The following PRMT1 variants were observed in gnomAD, a reference collection of about 807,000 sequenced individuals.
PRMT1 encodes protein arginine N-methyltransferase 1.
PRMT1 carries 5 observed loss-of-function variants against 47.4 expected under a neutral mutation model. The observed-to-expected ratio is 0.11, with a 90% confidence interval of 0.06 to 0.22. PRMT1 has a LOEUF of 0.22. PRMT1 is among the 10% of genes least tolerant of loss of function. The pLI, the probability that PRMT1 is intolerant of heterozygous loss-of-function variation, is 1.00. For missense variants in PRMT1, 249 were observed against 518.4 expected (o/e 0.48, Z 5.05); for synonymous variants, 227 against 204.6 (o/e 1.11, Z -0.94).
At position 49,680,133 on chromosome 19, in the gene PRMT1, C is replaced by A; in HGVS notation, c.90+208C>A. ...ATCGCCGCTACTTCCTTAACTCCAC[C>A]TCCAACCCCCCTTTGCCCTTCCCTG... On this transcript the variant is annotated intron_variant, in intron 2 of 10. Transcript: ENST00000454376. This position sits in a 1 kb window ranked among gnomAD's most constrained non-coding sequence, Gnocchi z 4.2. 1 of 1,300,310 alleles carries A rather than the reference C, an allele frequency of 7.7e-7. No individual in the cohort carries two copies. Among genetic ancestry groups the A allele is most frequent in the Non-Finnish European group, 1.1e-6 (1 of 917,568 alleles). The allele number at this position is 1,300,310 out of a possible 1,614,324, so 80.5% of individuals were successfully genotyped here.
intron 1 of PRMT1, 64 bp from the exon 2 acceptor site, chr19:49,679,808 G>T: frequency 1.5e-6 from 2 of 1,345,390 alleles, no homozygotes; most frequent in Admixed American, 1.9e-5. Flanking sequence ...CCCAGGTTCC[G>T]CCACCCAGCC....
chr19:49,683,734 C>A, intron 5 of PRMT1, 193 bp from the exon 6 acceptor site: 2 of 557,134 alleles, frequency 3.6e-6, no homozygotes, highest in Non-Finnish European at 6.3e-6. Context: ...ACCCAGTCCA[C>A]ATAAAATTTC....
chr19:49,684,918 C>T lies in PRMT1; in HGVS notation c.644-4C>T. On this transcript the variant is annotated splice_polypyrimidine_tract_variant and splice_region_variant and intron_variant, in intron 7 of 10. Coordinates refer to ENST00000454376, the MANE Select transcript of PRMT1 (RefSeq NM_001536.6). This position sits in a 1 kb window ranked among gnomAD's most constrained non-coding sequence, Gnocchi z 6.2. ...GCTCACCCCCTCCCTGCCTGCCTCC[C>T]CAGGGTGGGAGAACGTGTATGGCTT... The T allele has an allele frequency of 1.2e-6, 2 of 1,602,978 alleles. No homozygotes were observed. Among genetic ancestry groups the T allele is most frequent in the South Asian group, 1.1e-5 (1 of 90,296 alleles).
At chr19:49,678,629 A>T (rs2082071572) in intron 1 of PRMT1, among the ~76,000 whole-genome samples, 1 of 151,960 alleles carries the variant, frequency 6.6e-6, no homozygotes, top group Non-Finnish European at 1.5e-5. Context: ...ATGTAATCTG[A>T]TGGGGCCTCT....
At position 49,684,688 on chromosome 19, in the gene PRMT1, T is replaced by C; in HGVS notation, c.556-66T>C. On this transcript the variant is annotated intron_variant, in intron 6 of 10. Coordinates refer to ENST00000454376, the MANE Select transcript of PRMT1 (RefSeq NM_001536.6). The surrounding 1 kb of genome is among the most constrained non-coding windows in gnomAD (Gnocchi z 6.2). ...CAGACCAGGGCAGGAGGCCACATCT[T>C]GGAGGCAAGACTCAGGGTAGTGTTG... is the stretch of plus-strand genomic sequence containing the variant. The C allele has an allele frequency of 6.7e-7, 1 of 1,502,214 alleles. No homozygotes were observed. The highest frequency in any genetic ancestry group is 2.5e-5 in the East Asian group (1 of 40,674). 93.1% of individuals were successfully genotyped at this position (1,502,214 alleles called of 1,614,324 possible).
upstream of PRMT1, among the ~76,000 whole-genome samples, chr19:49,676,592 G>A (rs1226764266): frequency 6.6e-6 from 1 of 152,202 alleles, no homozygotes; most frequent in African/African-American, 2.4e-5. Context: ...CGGGACCCCA[G>A]CTATGCCCTT....
chr19:49,685,631 C>A lies in PRMT1; in HGVS notation c.760-462C>A, dbSNP rs189362245. ...TGGGTGGCTGACCGGGGGATCCTGT[C>A]GGGGAGGAGTAAGTTGTTGAGTGGG... On this transcript the variant is annotated intron_variant, in intron 8 of 10. Coordinates refer to ENST00000454376, the MANE Select transcript of PRMT1 (RefSeq NM_001536.6). The surrounding 1 kb of genome is among the most constrained non-coding windows in gnomAD (Gnocchi z 4.7). 2.0e-6 allele frequency: 2 copies of A among 1,013,184 alleles called. No homozygotes were observed. Among genetic ancestry groups the A allele is most frequent in the East Asian group, 1.0e-4 (1 of 9,746 alleles). 62.8% of individuals were successfully genotyped at this position (1,013,184 alleles called of 1,614,324 possible).
In PRMT1 at chr19:49,688,289, C is replaced by G; in HGVS notation, c.*44C>G. The stretch of plus-strand genomic sequence containing the variant: ...TGCACGAGCCCAGGGGCTGAGCGTT[C>G]CTAGGCGGTTTCGGGGCTCCCCCTT... On this transcript the variant is annotated 3_prime_UTR_variant, in exon 11 of 11. Transcript: ENST00000454376. The surrounding 1 kb of genome is among the most constrained non-coding windows in gnomAD (Gnocchi z 5.3). 2.5e-6 allele frequency: 4 copies of G among 1,597,004 alleles called. No individual in the cohort carries two copies. Among genetic ancestry groups the G allele is most frequent in the Non-Finnish European group, 3.4e-6 (4 of 1,166,542 alleles).
At position 49,684,603 on chromosome 19, in the gene PRMT1, G is replaced by A; in HGVS notation, c.556-151G>A. The A allele has an allele frequency of 2.2e-6, 2 of 927,902 alleles. No homozygotes were observed. Among genetic ancestry groups the A allele is most frequent in the Non-Finnish European group, 3.2e-6 (2 of 621,148 alleles). 57.5% of individuals were successfully genotyped at this position (927,902 alleles called of 1,614,324 possible). A position where few individuals can be genotyped will look rare whatever the true frequency, so the allele number is the denominator to read the frequency against. On this transcript the variant is annotated intron_variant, in intron 6 of 10. Coordinates refer to ENST00000454376, the MANE Select transcript of PRMT1 (RefSeq NM_001536.6). The surrounding 1 kb of genome is among the most constrained non-coding windows in gnomAD (Gnocchi z 6.2). Reference sequence around the variant, plus strand: ...GGGTGCCCCTGGGTGCCCTCTGGCGGCCGTGTGGGAAATAGACCAGGGGGC... The same window carrying A: ...GGGTGCCCCTGGGTGCCCTCTGGCGACCGTGTGGGAAATAGACCAGGGGGC...
Position 49,684,864 on chromosome 19 carries a change from C to G in PRMT1, c.643+23C>G. 7.4e-6 allele frequency: 12 copies of G among 1,611,110 alleles called. No individual in the cohort carries two copies. Among genetic ancestry groups the G allele is most frequent in the Non-Finnish European group, 1.0e-5 (12 of 1,178,188 alleles). ...ACTGTGAGCGCGGCCCGGGAGCTGGCGGGCGGGGCCTCGGGTGGGCTGCTG... is the reference window on the plus strand; with the variant it reads ...ACTGTGAGCGCGGCCCGGGAGCTGGGGGGCGGGGCCTCGGGTGGGCTGCTG... On this transcript the variant is annotated intron_variant, in intron 7 of 10. Transcript: ENST00000454376. This position sits in a 1 kb window ranked among gnomAD's most constrained non-coding sequence, Gnocchi z 6.2.
chr19:49,685,777 A>G lies in PRMT1; in HGVS notation c.760-316A>G. ...CCGTTTGAAGCCATCATGTTGTTGG[A>G]CTTGTCAAGGGGTTGGGGAGACAGT... On this transcript the variant is annotated intron_variant, in intron 8 of 10. Transcript: ENST00000454376. The surrounding 1 kb of genome is among the most constrained non-coding windows in gnomAD (Gnocchi z 4.7). The G allele has an allele frequency of 8.6e-7, 1 of 1,156,682 alleles. No homozygotes were observed. Among genetic ancestry groups the G allele is most frequent in the Non-Finnish European group, 1.1e-6 (1 of 935,640 alleles). 71.7% of individuals were successfully genotyped at this position (1,156,682 alleles called of 1,614,324 possible). A position where few individuals can be genotyped will look rare whatever the true frequency, so the allele number is the denominator to read the frequency against.
At chr19:49,682,742 T>C (rs1051964842) in intron 5 of PRMT1, among the ~76,000 whole-genome samples, 8 of 151,368 alleles carry the variant, frequency 5.3e-5, no homozygotes, top group African/African-American at 1.9e-4. Flanking sequence ...CGGCATCCGC[T>C]CTTTTGCATG....
chr19:49,688,391 T>G lies in PRMT1; in HGVS notation c.*146T>G. The G allele has an allele frequency of 2.9e-6, 2 of 693,646 alleles. No individual in the cohort carries two copies. The highest frequency in any genetic ancestry group is 5.0e-6 in the Non-Finnish European group (2 of 403,462). The allele number at this position is 693,646 out of a possible 1,614,324, so 43.0% of individuals were successfully genotyped here. A position where few individuals can be genotyped will look rare whatever the true frequency, so the allele number is the denominator to read the frequency against. On this transcript the variant is annotated 3_prime_UTR_variant, in exon 11 of 11. Transcript: ENST00000454376. The surrounding 1 kb of genome is among the most constrained non-coding windows in gnomAD (Gnocchi z 5.3). ...TGGGGAGGGCACATCGTGACTGTGT[T>G]TTTCATAACTTATGTTTTTATATGG...
chr19:49,678,860 G>A (rs2082074697), intron 1 of PRMT1, among the ~76,000 whole-genome samples: 1 of 151,396 alleles, frequency 6.6e-6, no homozygotes, highest in African/African-American at 2.4e-5. Context: ...GAATGGGGGC[G>A]ATGGCCTGAC....
At position 49,680,697 on chromosome 19, in the gene PRMT1, C is replaced by A; in HGVS notation, c.192+109C>A. ...CGCACTGCTTCCCCTGGCCGCAGGC[C>A]GCCCCCCTGCCCCTCTGCTGCGCAC... On this transcript the variant is annotated intron_variant, in intron 3 of 10. Coordinates refer to ENST00000454376, the MANE Select transcript of PRMT1 (RefSeq NM_001536.6). This position sits in a 1 kb window ranked among gnomAD's most constrained non-coding sequence, Gnocchi z 4.2. 1 of 890,002 alleles carries A rather than the reference C, an allele frequency of 1.1e-6. No homozygotes were observed. The highest frequency in any genetic ancestry group is 1.5e-5 in the South Asian group (1 of 67,268). 55.1% of individuals were successfully genotyped at this position (890,002 alleles called of 1,614,324 possible). A position where few individuals can be genotyped will look rare whatever the true frequency, so the allele number is the denominator to read the frequency against.
At position 49,681,324 on chromosome 19, in the gene PRMT1, C is replaced by T. The variant is rs2122959174; in HGVS notation, c.193-586C>T. 6.6e-6 allele frequency among the ~76,000 whole-genome samples: 1 copy of T among 151,830 alleles called. No individual in the cohort carries two copies. Among genetic ancestry groups the T allele is most frequent in the South Asian group, 2.1e-4 (1 of 4,716 alleles). ...TTGGCCTCCTGAGGTGCTGGGATTA[C>T]AGGCGTGAGCCACCGCTCCCAGCCT... On this transcript the variant is annotated intron_variant, in intron 3 of 10. Coordinates refer to ENST00000454376, the MANE Select transcript of PRMT1 (RefSeq NM_001536.6). The surrounding 1 kb of genome is among the most constrained non-coding windows in gnomAD (Gnocchi z 4.4).
Position 49,686,671 on chromosome 19 carries a change from A to G in PRMT1, c.977A>G (p.Lys326Arg). Reference sequence around the variant, plus strand: ...TACATGGAGGACTACCTGACCGTGAAGACGGGCGAGGAGATCTTCGGCACC... The same window carrying G: ...TACATGGAGGACTACCTGACCGTGAGGACGGGCGAGGAGATCTTCGGCACC... Reference protein sequence around the residue: ...VFYMEDYLTVKTGEEIFGTIG... With the variant: ...VFYMEDYLTVRTGEEIFGTIG... Residue 326 changes from lysine (K) to arginine (R), a missense_variant, in exon 10 of 11, where the codon AAG becomes AGG. Coordinates refer to ENST00000454376, the MANE Select transcript of PRMT1 (RefSeq NM_001536.6). The G allele has an allele frequency of 6.2e-7, 1 of 1,612,470 alleles. No homozygotes were observed. Among genetic ancestry groups the G allele is most frequent in the Non-Finnish European group, 8.5e-7 (1 of 1,179,490 alleles).
Position 49,680,207 on chromosome 19 carries a change from C to G in PRMT1, c.91-280C>G. ...CTCCCCTCCCCAGCTGTGGGCTGAG[C>G]TAGAGACGGGGTCAGAGAGACTGGA... On this transcript the variant is annotated intron_variant, in intron 2 of 10. Coordinates refer to ENST00000454376, the MANE Select transcript of PRMT1 (RefSeq NM_001536.6). This position sits in a 1 kb window ranked among gnomAD's most constrained non-coding sequence, Gnocchi z 4.2. 6.3e-7 allele frequency: 1 copy of G among 1,598,046 alleles called. No homozygotes were observed. The highest frequency in any genetic ancestry group is 8.5e-7 in the Non-Finnish European group (1 of 1,170,434).
intron 1 of PRMT1, 169 bp downstream of exon 1, chr19:49,677,485 C>T (rs1474025189): frequency 1.0e-5 from 5 of 493,638 alleles, no homozygotes; most frequent in Non-Finnish European, 1.6e-5. Flanking sequence ...GGTGACGGCT[C>T]CCTAGCTTCC....
Sources: allele counts gnomAD v4.1 joint callset (sites outside exome capture counted in the v4.1 genomes callset), GRCh38; gene constraint gnomAD v4.1.1; non-coding constraint Gnocchi (gnomAD v3.1); transcripts MANE v1.5; gene names NCBI Gene and HGNC (gene_info 2026-07-23, HGNC 2026-07-21).